Variants in SELENOO observed in about 807,000 individuals in gnomAD.
SELENOO encodes protein adenylyltransferase SelO, mitochondrial.
A neutral mutation model predicts 58.7 loss-of-function variants in SELENOO; 74 were observed. That is an observed-to-expected ratio of 1.26 (90% CI 1.04 to 1.53). SELENOO has a LOEUF of 1.53. SELENOO is among the 40% of genes most tolerant of loss of function. The pLI is 0.00. For synonymous variants in SELENOO, 543 were observed against 453.2 expected (o/e 1.20, Z -2.52); for missense variants, 1,149 against 970.0 (o/e 1.18, Z -2.45).
At chr22:50,201,706 G>A in intron 1 of SELENOO, 116 bp downstream of exon 1, 1 of 749,356 alleles carries the variant, frequency 1.3e-6, no homozygotes, top group Non-Finnish European at 1.8e-6. Flanking sequence ...GGCCTCCCCT[G>A]CACCCGCGGG....
chr22:50,213,702 C>T (rs1450743187), intron 5 of SELENOO, among the ~76,000 whole-genome samples: 2 of 152,258 alleles, frequency 1.3e-5, no homozygotes, highest in South Asian at 2.1e-4. Flanking sequence ...GGCTGGAGTG[C>T]AGTGGCGCGA....
rs80199909 is a variant in SELENOO, at chr22:50,210,363, G to A, written c.1070+52G>A. 10,289 of 1,585,828 alleles carry A rather than the reference G, an allele frequency of 6.5e-3. 609 individuals are homozygous for A. In the African/African-American group the frequency reaches 0.12, roughly 19 times the overall value. ...TGCAGGCCCCAGGGCTGGGGGGTGCGGGCTGCATGAAACCTGCTGCCCCCA... is the reference window on the plus strand; with the variant it reads ...TGCAGGCCCCAGGGCTGGGGGGTGCAGGCTGCATGAAACCTGCTGCCCCCA... On this transcript the variant is annotated intron_variant, in intron 4 of 8. Transcript: ENST00000380903.
At chr22:50,215,899 G>C in intron 6 of SELENOO, 32 bp downstream of exon 6, 1 of 1,561,162 alleles carries the variant, frequency 6.4e-7, no homozygotes, top group Non-Finnish European at 8.7e-7. Context: ...CTTTGGATTT[G>C]TTTCCAGAAA....
At position 50,217,353 on chromosome 22, in the gene SELENOO, T is replaced by C; in HGVS notation, c.1994T>C (p.Val665Ala). 6.2e-7 allele frequency: 1 copy of C among 1,612,710 alleles called. No individual in the cohort carries two copies. ...KPPLWAAELC[V>A]TUSS ...CCGCTCTGGGCAGCAGAACTGTGCGTGACATGATCTTCGTAACGGCCTCGG... is the reference window on the plus strand; with the variant it reads ...CCGCTCTGGGCAGCAGAACTGTGCGCGACATGATCTTCGTAACGGCCTCGG... Residue 665 changes from valine (V) to alanine (A), a missense_variant, in exon 9 of 9, where the codon GTG becomes GCG. Val to Ala is a moderately conservative substitution (Grantham distance 64, BLOSUM62 0). Coordinates refer to ENST00000380903, the MANE Select transcript of SELENOO (RefSeq NM_031454.2).
Position 50,210,269 on chromosome 22 carries a change from TG to T in SELENOO, c.1032del (p.Leu345SerfsTer105), listed in dbSNP as rs751394063. 2 of 1,613,264 alleles carry T rather than the reference TG, an allele frequency of 1.2e-6. No homozygotes were observed. The highest frequency in any genetic ancestry group is 2.7e-5 in the African/African-American group (2 of 74,908). Reference protein sequence around the residue: ...GVLNTDNMSILGLTIDYGPFG... With the variant: ...GVLNTDNMSIXGLTIDYGPFG... ...CTCAACACCGACAACATGAGCATCC[TG>T]GGGCTCACCATCGACTACGGGCCCT... On this transcript the variant is annotated frameshift_variant, in exon 4 of 9. Coordinates refer to ENST00000380903, the MANE Select transcript of SELENOO (RefSeq NM_031454.2). LOFTEE classifies it high-confidence loss of function.
At chr22:50,205,595 A>G (rs1319988150) in intron 1 of SELENOO, 1 of 152,306 alleles carries the variant, frequency 6.6e-6, no homozygotes, top group Non-Finnish European at 1.5e-5. Flanking sequence ...TTAAGATGGT[A>G]AATTTATTTT....
In SELENOO at chr22:50,201,428, C is replaced by T. The variant is rs1214701925; in HGVS notation, c.392C>T (p.Pro131Leu). 1.5e-6 allele frequency: 2 copies of T among 1,370,294 alleles called. No individual in the cohort carries two copies. The highest frequency in any genetic ancestry group is 1.5e-5 in the South Asian group (1 of 64,692). The allele number at this position is 1,370,294 out of a possible 1,614,324, so 84.9% of individuals were successfully genotyped here. A position where few individuals can be genotyped will look rare whatever the true frequency, so the allele number is the denominator to read the frequency against. The change falls in exon 1 of 9, where the codon CCG becomes CTG. Residue 131 changes from proline (P) to leucine (L), a missense_variant. Physicochemically the swap from Pro to Leu is moderately conservative, Grantham distance 98 (BLOSUM62 -3). Transcript: ENST00000380903. ...ALFFSGNALLPGAEPAAHCYC... is the reference protein window; with the variant it reads ...ALFFSGNALLLGAEPAAHCYC... ...TTCTTCAGCGGCAACGCGCTCCTGC[C>T]GGGCGCCGAGCCCGCCGCGCACTGC...
At chr22:50,213,540 C>T (rs764358835) in intron 5 of SELENOO, among the ~76,000 whole-genome samples, 3 of 151,556 alleles carry the variant, frequency 2.0e-5, no homozygotes, top group Non-Finnish European at 4.4e-5. Flanking sequence ...CTGGAGAAGA[C>T]GGTGTGCTCT....
At chr22:50,207,419 C>T (rs771593654) in intron 2 of SELENOO, among the ~76,000 whole-genome samples, 6 of 152,078 alleles carry the variant, frequency 3.9e-5, no homozygotes, top group Admixed American at 2.0e-4. Context: ...CCACCGCGCC[C>T]GGCCCCCAGC....
intron 3 of SELENOO, 100 bp from the exon 4 acceptor site, chr22:50,210,081 C>T: frequency 7.0e-7 from 1 of 1,425,472 alleles, no homozygotes; most frequent in Non-Finnish European, 9.6e-7. Context: ...GAGAGCCACT[C>T]AGCGAAGCAC....
intron 1 of SELENOO, among the ~76,000 whole-genome samples, chr22:50,204,636 T>C (rs2064321456): frequency 1.3e-5 from 2 of 148,664 alleles, no homozygotes; most frequent in Admixed American, 1.3e-4. Flanking sequence ...AAAAAAAAAA[T>C]CGTAAGTTAA....
intron 3 of SELENOO, 129 bp from the exon 4 acceptor site, chr22:50,210,052 C>T (rs73187260): frequency 3.7e-5 from 41 of 1,094,802 alleles, no homozygotes; most frequent in African/African-American, 7.8e-5. Context: ...TCAGGAAGAT[C>T]GCCCAGAAAC....
chr22:50,210,582 C>G, intron 4 of SELENOO, 49 bp from the exon 5 acceptor site: 1 of 1,611,214 alleles, frequency 6.2e-7, no homozygotes, highest in Non-Finnish European at 8.5e-7. Flanking sequence ...CACCATCTCC[C>G]GGGAACTTCC....
chr22:50,214,743 C>A (rs2147166384), intron 5 of SELENOO, among the ~76,000 whole-genome samples: 1 of 152,296 alleles, frequency 6.6e-6, no homozygotes, highest in South Asian at 2.1e-4. Flanking sequence ...CCAGCCCCGG[C>A]AACAGAGCAA....
chr22:50,210,334 A>G (rs1569102757), intron 4 of SELENOO, 23 bp downstream of exon 4: 2 of 1,611,130 alleles, frequency 1.2e-6, no homozygotes, highest in Non-Finnish European at 1.7e-6. Flanking sequence ...GGGGCCCAGC[A>G]AAGTGCAGGC....
At chr22:50,216,607 G>A (rs1020819368) in intron 6 of SELENOO, 84 bp from the exon 7 acceptor site, 4 of 1,305,442 alleles carry the variant, frequency 3.1e-6, no homozygotes, top group Admixed American at 4.1e-5. Context: ...AGCCGTGAGA[G>A]CGGGCTGGGG....
chr22:50,212,525 C>T (rs1602494345), intron 5 of SELENOO, among the ~76,000 whole-genome samples: 2 of 152,206 alleles, frequency 1.3e-5, no homozygotes, highest in African/African-American at 4.8e-5. Context: ...TCACAGCTGA[C>T]GCAGGAGCAG....
At chr22:50,205,085 G>T (rs1395133860) in intron 1 of SELENOO, among the ~76,000 whole-genome samples, 1 of 152,264 alleles carries the variant, frequency 6.6e-6, no homozygotes, top group East Asian at 1.9e-4. Context: ...GGGCTGGAGG[G>T]AGTAGAGGAA....
chr22:50,216,755 C>A lies in SELENOO; in HGVS notation c.1567C>A (p.Arg523=), dbSNP rs764320723. The stretch of plus-strand genomic sequence containing the variant: ...GCAGCTGTTCGCGCTTATGGGCACC[C>A]GGGCAGGCATCGCCAGGGAGCTGGA... ...NPQLFALMGT[R]AGIARELERV... is the part of the protein sequence containing the mutation. The change falls in exon 7 of 9, where the codon CGG becomes AGG. Residue 523 remains arginine (R), a synonymous_variant. Coordinates refer to ENST00000380903, the MANE Select transcript of SELENOO (RefSeq NM_031454.2). 5.6e-6 allele frequency: 9 copies of A among 1,607,528 alleles called. No homozygotes were observed. Among genetic ancestry groups the A allele is most frequent in the African/African-American group, 1.3e-5 (1 of 74,852 alleles).
Sources: gnomAD v4.1 joint callset for allele counts (sites outside exome capture counted in the v4.1 genomes callset) on GRCh38, gnomAD v4.1.1 for gene constraint, MANE v1.5 for transcripts, NCBI Gene and HGNC (gene_info 2026-07-23, HGNC 2026-07-21) for gene names.